FMN2: variants seen among roughly 807,000 people sequenced by gnomAD.
FMN2 encodes formin 2, also known as formin-2.
Under a neutral mutation model 142.3 loss-of-function variants are expected in FMN2, and 51 were observed. The ratio of observed to expected loss-of-function variants is 0.36; its 90% confidence interval spans 0.29 to 0.45. The LOEUF is 0.45. FMN2 is among the 20% of genes least tolerant of loss of function. FMN2 has a pLI of 1.00. For synonymous variants in FMN2, 882 were observed against 869.8 expected (o/e 1.01, Z -0.25); for missense variants, 1,936 against 2,122.8 (o/e 0.91, Z 1.73).
intron 6 of FMN2, among the ~76,000 whole-genome samples, chr1:240,217,766 A>G (rs1291092383): frequency 1.3e-5 from 2 of 151,960 alleles, no homozygotes; most frequent in African/African-American, 2.4e-5. Flanking sequence ...TCTTTTAGCC[A>G]GTAAGATTGT....
At chr1:240,233,086 T>C (rs1236397480) in intron 6 of FMN2, among the ~76,000 whole-genome samples, 1 of 152,196 alleles carries the variant, frequency 6.6e-6, no homozygotes, top group African/African-American at 2.4e-5. Flanking sequence ...ATTAGAAAAC[T>C]ACTGTGTATG....
In FMN2 at chr1:240,179,898, A is replaced by T. The variant is rs369643357; in HGVS notation, c.1930+1830A>T. 1.2e-3 allele frequency among the ~76,000 whole-genome samples: 182 copies of T among 152,302 alleles called. 4 individuals carry two copies. The South Asian group carries it at 0.027, about 23-fold the overall frequency. ...CATTCTCAACTTTTCTAACTGAAAC[A>T]TTTATATGATATTCTTAAATTTTAG... On this transcript the variant is annotated intron_variant, in intron 3 of 17. Coordinates refer to ENST00000319653, the MANE Select transcript of FMN2 (RefSeq NM_020066.5).
chr1:240,171,140 G>A (rs1334070598), intron 2 of FMN2: 7 of 1,166,830 alleles, frequency 6.0e-6, no homozygotes, highest in Admixed American at 1.7e-5. Flanking sequence ...GGGTGAAAGA[G>A]TGTAGAAAGT....
At chr1:240,167,825 C>G (rs1483288204) in intron 2 of FMN2, among the ~76,000 whole-genome samples, 1 of 152,022 alleles carries the variant, frequency 6.6e-6, no homozygotes, top group African/African-American at 2.4e-5. Flanking sequence ...ACCTGTAATC[C>G]CAGCACTTTG....
At chr1:240,122,058 T>TC (rs1558305782) in intron 1 of FMN2, among the ~76,000 whole-genome samples, 2 of 128,310 alleles carry the variant, frequency 1.6e-5, no homozygotes, top group Non-Finnish European at 3.3e-5. Context: ...GCCTTTTGGA[T>TC]CCAAAATTAA....
chr1:240,122,398 C>T (rs993853506), intron 1 of FMN2, among the ~76,000 whole-genome samples: 1 of 152,098 alleles, frequency 6.6e-6, no homozygotes, highest in African/African-American at 2.4e-5. Flanking sequence ...ATTCTCTTGC[C>T]TCAGCCTCCC....
intron 4 of FMN2, among the ~76,000 whole-genome samples, chr1:240,200,840 AG>A (rs1310212064): frequency 6.6e-6 from 1 of 152,152 alleles, no homozygotes; most frequent in Non-Finnish European, 1.5e-5. Context: ...TGTACAAAAA[AG>A]TTCTGTTTAT....
chr1:240,400,533 A>G (rs1011821154), intron 15 of FMN2: 1 of 152,244 alleles, frequency 6.6e-6, no homozygotes, highest in Non-Finnish European at 1.5e-5. Context: ...TGCCTGGTGT[A>G]CTGTGGGCTT....
chr1:240,246,331 A>G (rs1202182452), intron 6 of FMN2, among the ~76,000 whole-genome samples: 1 of 152,210 alleles, frequency 6.6e-6, no homozygotes, highest in Non-Finnish European at 1.5e-5. Context: ...GCTGTGGAAC[A>G]TGGCTGTAAT....
At chr1:240,215,481 T>C (rs1336319879) in intron 6 of FMN2, among the ~76,000 whole-genome samples, 1 of 152,220 alleles carries the variant, frequency 6.6e-6, no homozygotes, top group Non-Finnish European at 1.5e-5. Context: ...AAGCCTCTGC[T>C]CTTCCTAATT....
At chr1:240,327,441 TA>T (rs550224471) in intron 8 of FMN2, among the ~76,000 whole-genome samples, 22 of 152,298 alleles carry the variant, frequency 1.4e-4, no homozygotes, top group African/African-American at 5.1e-4. Context: ...TCTTGAAATT[TA>T]TCAGGCTGTA....
chr1:240,258,105 T>A, intron 7 of FMN2, 73 bp downstream of exon 7: 1 of 1,183,884 alleles, frequency 8.4e-7, no homozygotes, highest in Non-Finnish European at 1.2e-6. Flanking sequence ...TTGTTGGTAA[T>A]GTTATTTCAA....
chr1:240,449,141 T>C (rs1488851763), intron 16 of FMN2, among the ~76,000 whole-genome samples: 1 of 133,328 alleles, frequency 7.5e-6, no homozygotes, highest in African/African-American at 2.7e-5. Context: ...AGACCCTGTC[T>C]CAAAAAAAAA....
chr1:240,384,921 C>T (rs1673361314), intron 14 of FMN2, among the ~76,000 whole-genome samples: 1 of 152,116 alleles, frequency 6.6e-6, no homozygotes, highest in African/African-American at 2.4e-5. Flanking sequence ...ATTTAAACAT[C>T]TCTAAAACAT....
intron 2 of FMN2, among the ~76,000 whole-genome samples, chr1:240,147,525 C>G (rs574110982): frequency 6.6e-6 from 1 of 152,094 alleles, no homozygotes; most frequent in South Asian, 2.1e-4. Flanking sequence ...TAGGATTTCT[C>G]TCTGTCACCC....
intron 13 of FMN2, among the ~76,000 whole-genome samples, chr1:240,355,497 G>A (rs1355236118): frequency 6.6e-6 from 1 of 152,138 alleles, no homozygotes; most frequent in Middle Eastern, 3.2e-3. Flanking sequence ...TGCACAGTGA[G>A]GCAGGCTCTG....
chr1:240,472,486 C>G, intron 17 of FMN2, 33 bp downstream of exon 17: 1 of 1,446,856 alleles, frequency 6.9e-7, no homozygotes, highest in Non-Finnish European at 9.5e-7. Context: ...TTGTTATTTT[C>G]TTTGGCTTTT....
intron 4 of FMN2, among the ~76,000 whole-genome samples, chr1:240,191,956 A>G (rs7540631): frequency 0.28 from 43,264 of 152,080 alleles, 7,146 homozygotes; most frequent in African/African-American, 0.46. Context: ...CAATAGTCAC[A>G]TCTATTACAA....
At chr1:240,215,812 G>A (rs563835770) in intron 6 of FMN2, among the ~76,000 whole-genome samples, 1 of 152,046 alleles carries the variant, frequency 6.6e-6, no homozygotes, top group Non-Finnish European at 1.5e-5. Context: ...GGGTTCAAGC[G>A]ATTCTCCTGC....
Sources: gnomAD v4.1 joint callset for allele counts (sites outside exome capture counted in the v4.1 genomes callset) on GRCh38, gnomAD v4.1.1 for gene constraint, MANE v1.5 for transcripts, NCBI Gene and HGNC (gene_info 2026-07-23, HGNC 2026-07-21) for gene names.